The following DOCK7 variants were observed in gnomAD, a reference collection of about 807,000 sequenced individuals.
DOCK7 encodes the protein dedicator of cytokinesis protein 7.
In DOCK7, 138 loss-of-function variants were observed where a neutral mutation model predicts 271.0. The observed-to-expected ratio is 0.51, with a 90% CI of 0.44 to 0.59. DOCK7 has a LOEUF of 0.59. Among genes scored for constraint, DOCK7 ranks in the 20% least tolerant of loss-of-function variants. The probability of loss-of-function intolerance (pLI) is 0.00; values close to 1 mark genes in which losing one functional copy is unlikely to be tolerated. For synonymous variants in DOCK7, 823 were observed against 876.1 expected (o/e 0.94, Z 1.07); for missense variants, 2,066 against 2,592.4 (o/e 0.80, Z 4.41).
intron 25 of DOCK7, among the ~76,000 whole-genome samples, chr1:62,542,200 T>C (rs986071666): frequency 6.6e-6 from 1 of 152,096 alleles, no homozygotes; most frequent in Non-Finnish European, 1.5e-5. Context: ...TTTTTATTGA[T>C]TGTAACTGGC....
intron 2 of DOCK7, among the ~76,000 whole-genome samples, chr1:62,661,541 G>A (rs191938872): frequency 3.2e-4 from 48 of 151,436 alleles, no homozygotes; most frequent in Non-Finnish European, 5.6e-4. Flanking sequence ...CTAATTCAGC[G>A]TTTTTTGCCC....
At chr1:62,544,848 A>G in intron 23 of DOCK7, 99 bp downstream of exon 23, 4 of 944,102 alleles carry the variant, frequency 4.2e-6, no homozygotes, top group Non-Finnish European at 6.2e-6. Context: ...TTTAATGATT[A>G]AAAAAAGCAA....
Position 62,539,627 on chromosome 1 carries a change from CT to C in DOCK7, c.3217del (p.Ser1073AlafsTer22). Reference protein sequence around the residue: ...DTEMVERLNTSLAFFLNDLLS... With the variant: ...DTEMVERLNTXLAFFLNDLLS... ...CAGATCATTGAGAAAGAATGCAAGG[CT>C]TGTATTGAGTCTCTCAACCATTTCT... is the stretch of plus-strand genomic sequence containing the variant. On this transcript the variant is annotated frameshift_variant, in exon 27 of 50. Transcript: ENST00000635253. LOFTEE classifies it high-confidence loss of function. The C allele has an allele frequency of 6.2e-7, 1 of 1,613,774 alleles. No individual in the cohort carries two copies. The highest frequency in any genetic ancestry group is 8.5e-7 in the Non-Finnish European group (1 of 1,179,868).
chr1:62,504,800 A>C lies in DOCK7; in HGVS notation c.4612-18T>G. 6.2e-7 allele frequency: 1 copy of C among 1,607,756 alleles called. No homozygotes were observed. Among genetic ancestry groups the C allele is most frequent in the Non-Finnish European group, 8.5e-7 (1 of 1,178,104 alleles). Reference sequence around the variant, plus strand: ...TCAGGAAACTGTAAAACAACAAAACAAACCACCACTGAATTTTTACAGTAA... The same window carrying C: ...TCAGGAAACTGTAAAACAACAAAACCAACCACCACTGAATTTTTACAGTAA... On this transcript the variant is annotated intron_variant, in intron 36 of 49. Transcript: ENST00000635253.
At chr1:62,617,373 G>A (rs1360524860) in intron 14 of DOCK7, among the ~76,000 whole-genome samples, 1 of 151,864 alleles carries the variant, frequency 6.6e-6, no homozygotes, top group Non-Finnish European at 1.5e-5. Flanking sequence ...TCAGACACAG[G>A]AATGAATGAT....
intron 14 of DOCK7, among the ~76,000 whole-genome samples, chr1:62,613,355 T>A (rs909609466): frequency 2.6e-5 from 4 of 152,164 alleles, no homozygotes; most frequent in Non-Finnish European, 5.9e-5. Context: ...TGTAGAGAAT[T>A]TGAAAAGATC....
At chr1:62,509,459 C>T (rs1012384424) in intron 34 of DOCK7, among the ~76,000 whole-genome samples, 1 of 151,886 alleles carries the variant, frequency 6.6e-6, no homozygotes, top group Admixed American at 6.6e-5. Context: ...CCAAAAAAGT[C>T]TCCCTCAAAA....
chr1:62,458,161 GTGT>G (rs1645403561), intron 48 of DOCK7: 150 of 104,902 alleles, frequency 1.4e-3, no homozygotes, highest in African/African-American at 5.9e-3. Flanking sequence ...ACGTGGGTGT[GTGT>G]GTGTGTGTGT....
chr1:62,460,098 CAAAAAA>C (rs71053316), intron 48 of DOCK7, among the ~76,000 whole-genome samples: 29 of 66,018 alleles, frequency 4.4e-4, no homozygotes, highest in African/African-American at 1.8e-3. Flanking sequence ...AGACTCGTCT[CAAAAAA>C]AAAAAAAAAA....
chr1:62,458,023 A>G lies in DOCK7; in HGVS notation c.6213-318T>C, dbSNP rs1645397578. ...AAAAATTAGCCAGGCATGGTGGTGC[A>G]CTCCTGTAGCCCCAGCTATTCATGA... On this transcript the variant is annotated intron_variant, in intron 48 of 49. Coordinates refer to ENST00000635253, the MANE Select transcript of DOCK7 (RefSeq NM_001367561.1). The G allele has an allele frequency of 1.3e-5, 3 of 229,174 alleles. No individual in the cohort carries two copies. The South Asian group carries it at 2.3e-4, about 18-fold the overall frequency. The allele number at this position is 229,174 out of a possible 1,614,324, so 14.2% of individuals were successfully genotyped here. A position where few individuals can be genotyped will look rare whatever the true frequency, so the allele number is the denominator to read the frequency against.
chr1:62,678,084 C>T (rs150477621), intron 1 of DOCK7, among the ~76,000 whole-genome samples: 7 of 152,248 alleles, frequency 4.6e-5, no homozygotes, highest in East Asian at 3.9e-4. Flanking sequence ...GCTATGATGA[C>T]GCCATTGTGC....
intron 31 of DOCK7, among the ~76,000 whole-genome samples, chr1:62,517,277 A>G (rs962941521): frequency 2.6e-5 from 4 of 152,156 alleles, no homozygotes; most frequent in Non-Finnish European, 5.9e-5. Flanking sequence ...ATGCCAATTA[A>G]AAAACAAAAA....
intron 7 of DOCK7, chr1:62,641,662 G>A (rs1656041285): frequency 4.6e-6 from 2 of 439,172 alleles, no homozygotes; most frequent in Admixed American, 2.4e-5. Flanking sequence ...TGGCCACAAT[G>A]GCCGCTGGGC....
intron 14 of DOCK7, among the ~76,000 whole-genome samples, chr1:62,587,785 C>T (rs938497573): frequency 5.3e-5 from 8 of 152,002 alleles, no homozygotes; most frequent in Admixed American, 2.0e-4. Context: ...AGTAACATTA[C>T]CCTATTTGTG....
chr1:62,545,163 A>T, intron 22 of DOCK7, 124 bp from the exon 23 acceptor site: 1 of 825,422 alleles, frequency 1.2e-6, no homozygotes, highest in South Asian at 2.2e-5. Context: ...CTGTTAAAGC[A>T]ACCAAAATTT....
intron 37 of DOCK7, among the ~76,000 whole-genome samples, chr1:62,503,298 C>CT (rs1646839480): frequency 2.6e-5 from 4 of 151,702 alleles, no homozygotes; most frequent in Non-Finnish European, 5.9e-5. Flanking sequence ...GAACTACTTC[C>CT]TTTTTAAAGT....
intron 18 of DOCK7, among the ~76,000 whole-genome samples, chr1:62,566,879 G>C (rs182061615): frequency 1.6e-4 from 22 of 141,578 alleles, no homozygotes; most frequent in Non-Finnish European, 2.9e-4. Context: ...TCAAAAAGTT[G>C]GCAAAGGTTA....
chr1:62,639,426 C>CTTTTTTTTTTTTTTTTTTTTTTTT lies in DOCK7; in HGVS notation c.819-2847_819-2824dup, dbSNP rs386367151. Among the ~76,000 whole-genome samples, 6 of 75,864 alleles carry CTTTTTTTTTTTTTTTTTTTTTTTT rather than the reference C, an allele frequency of 7.9e-5. 1 individual carries two copies. The highest frequency in any genetic ancestry group is 3.5e-4 in the African/African-American group (6 of 17,006). The allele number at this position is 75,864 out of a possible 152,430, so 49.8% of individuals were successfully genotyped here. A position where few individuals can be genotyped will look rare whatever the true frequency, so the allele number is the denominator to read the frequency against. ...AACTTAGTGCAAACTTTGTAATACTCTTTTTTTTTTTTTTTTTTTTTTTTT... is the reference window on the plus strand; with the variant it reads ...AACTTAGTGCAAACTTTGTAATACTCTTTTTTTTTTTTTTTTTTTTTTTTTTTTTTTTTTTTTTTTTTTTTTTTT... On this transcript the variant is annotated intron_variant, in intron 7 of 49. Coordinates refer to ENST00000635253, the MANE Select transcript of DOCK7 (RefSeq NM_001367561.1).
intron 20 of DOCK7, among the ~76,000 whole-genome samples, chr1:62,556,389 T>C (rs1265602046): frequency 6.6e-6 from 1 of 152,024 alleles, no homozygotes; most frequent in Non-Finnish European, 1.5e-5. Flanking sequence ...TATAAGGGCA[T>C]ATATTACTTT....
Sources: allele counts gnomAD v4.1 joint callset (sites outside exome capture counted in the v4.1 genomes callset), GRCh38; gene constraint gnomAD v4.1.1; transcripts MANE v1.5; gene names NCBI Gene and HGNC (gene_info 2026-07-23, HGNC 2026-07-21).